FKBP5: variants seen among roughly 807,000 people sequenced by gnomAD.
The protein encoded by FKBP5 is peptidyl-prolyl cis-trans isomerase FKBP5.
In FKBP5, 23 loss-of-function variants were observed where a neutral mutation model predicts 50.5. The ratio of observed to expected loss-of-function variants is 0.46; its 90% CI spans 0.33 to 0.65. The LOEUF is 0.65. FKBP5 is among the 30% of genes least tolerant of loss of function. FKBP5 has a pLI of 0.02. For synonymous variants in FKBP5, 176 were observed against 190.6 expected (o/e 0.92, Z 0.63); for missense variants, 411 against 553.1 (o/e 0.74, Z 2.58).
chr6:35,580,625 G>A (rs568739144), intron 8 of FKBP5: 26 of 124,842 alleles, frequency 2.1e-4, no homozygotes, highest in South Asian at 1.7e-3. Flanking sequence ...TGCAACCTCC[G>A]CCTCCCGGGT....
At chr6:35,676,251 C>T (rs552165969) in intron 1 of FKBP5, among the ~76,000 whole-genome samples, 2 of 152,296 alleles carry the variant, frequency 1.3e-5, no homozygotes. Flanking sequence ...ACTTTAGAAA[C>T]GCTGACACCT....
chr6:35,601,859 G>A (rs1180219250), intron 5 of FKBP5, among the ~76,000 whole-genome samples: 2 of 152,010 alleles, frequency 1.3e-5, no homozygotes, highest in African/African-American at 2.4e-5. Flanking sequence ...AAATAAACAA[G>A]TTAAAAAGAG....
chr6:35,687,243 A>G (rs1765853975), intron 1 of FKBP5, among the ~76,000 whole-genome samples: 1 of 152,238 alleles, frequency 6.6e-6, no homozygotes, highest in Non-Finnish European at 1.5e-5. Context: ...CTCACAAATA[A>G]TGAGTATTAA....
At chr6:35,641,271 C>T (rs1764480616) in intron 2 of FKBP5, among the ~76,000 whole-genome samples, 1 of 152,188 alleles carries the variant, frequency 6.6e-6, no homozygotes, top group Non-Finnish European at 1.5e-5. Context: ...GCATGAGCCA[C>T]TGCACTCAGC....
At chr6:35,578,859 T>C (rs963381111) in intron 9 of FKBP5, among the ~76,000 whole-genome samples, 4 of 151,950 alleles carry the variant, frequency 2.6e-5, no homozygotes, top group African/African-American at 4.8e-5. Flanking sequence ...CTTCTGTCAA[T>C]AGAAGACAGA....
At chr6:35,679,956 T>C (rs912402739) in intron 1 of FKBP5, among the ~76,000 whole-genome samples, 3 of 152,040 alleles carry the variant, frequency 2.0e-5, no homozygotes, top group Admixed American at 6.5e-5. Context: ...TAAAAATATA[T>C]AGGTCATATA....
intron 2 of FKBP5, among the ~76,000 whole-genome samples, chr6:35,706,671 AT>A (rs1236331583): frequency 6.6e-6 from 1 of 152,172 alleles, no homozygotes; most frequent in African/African-American, 2.4e-5. Context: ...TGTTTATCAA[AT>A]TTTAAAACCC....
chr6:35,694,764 C>G (rs1766055783), intron 2 of FKBP5, among the ~76,000 whole-genome samples: 1 of 151,936 alleles, frequency 6.6e-6, no homozygotes, highest in Admixed American at 6.6e-5. Flanking sequence ...CTTTGGGGTC[C>G]CAGTCTAAGA....
At chr6:35,584,146 T>C (rs1762531151) in intron 8 of FKBP5, 1 of 985,368 alleles carries the variant, frequency 1.0e-6, no homozygotes, top group Non-Finnish European at 1.2e-6. Context: ...AAATCGTGTC[T>C]GTTTAACTCG....
rs767364065 is a variant in FKBP5, at chr6:35,591,217, A to G, written c.669T>C (p.Tyr223=). 22 of 1,601,550 alleles carry G rather than the reference A, an allele frequency of 1.4e-5. No homozygotes were observed. The highest frequency in any genetic ancestry group is 1.8e-5 in the Non-Finnish European group (21 of 1,170,128). The change falls in exon 7 of 11, where the codon TAT becomes TAC. Residue 223 remains tyrosine, a synonymous_variant. Coordinates refer to ENST00000357266, the MANE Select transcript of FKBP5 (RefSeq NM_004117.4). ...TAGGCTTCCCTGCCTCTCCAAAACC[A>G]TATCTGAAATGGAGAGTAAAAAATA... ...EQCILYLGPR[Y]GFGEAGKPKF... is the part of the protein sequence containing the mutation.
chr6:35,591,111 G>GT lies in FKBP5; in HGVS notation c.756+18_756+19insA. On this transcript the variant is annotated intron_variant, in intron 7 of 10. Transcript: ENST00000357266. ...AGAAGAAACCTACCATAATTTTAAG[G>GT]AAGTTGGTATTTTCTCACCTTTTCG... The GT allele has an allele frequency of 2.0e-6, 3 of 1,531,526 alleles. No individual in the cohort carries two copies. The highest frequency in any genetic ancestry group is 2.7e-6 in the Non-Finnish European group (3 of 1,111,686). The allele number at this position is 1,531,526 out of a possible 1,614,324, so 94.9% of individuals were successfully genotyped here.
intron 1 of FKBP5, among the ~76,000 whole-genome samples, chr6:35,677,434 AAG>A (rs773015643): frequency 6.6e-6 from 1 of 152,254 alleles, no homozygotes; most frequent in African/African-American, 2.4e-5. Context: ...ATGGGATAAG[AAG>A]AGAGTCTTCA....
intron 1 of FKBP5, among the ~76,000 whole-genome samples, chr6:35,650,772 G>A (rs536501933): frequency 4.6e-5 from 7 of 152,192 alleles, no homozygotes; most frequent in Non-Finnish European, 7.4e-5. Flanking sequence ...CACCGCACCT[G>A]GCACAAACAG....
intron 1 of FKBP5, among the ~76,000 whole-genome samples, chr6:35,675,359 C>T (rs1485171744): frequency 1.3e-5 from 2 of 152,142 alleles, no homozygotes; most frequent in African/African-American, 4.8e-5. Context: ...ATCACAAAGT[C>T]AGGAGTTTGA....
chr6:35,599,794 G>A (rs1182735001), intron 5 of FKBP5, among the ~76,000 whole-genome samples: 1 of 152,206 alleles, frequency 6.6e-6, no homozygotes, highest in South Asian at 2.1e-4. Context: ...GAATGCTCTA[G>A]ATAAAATTAA....
chr6:35,615,213 T>C (rs929108904), intron 5 of FKBP5, among the ~76,000 whole-genome samples: 4 of 151,630 alleles, frequency 2.6e-5, no homozygotes, highest in East Asian at 1.9e-4. Flanking sequence ...TACATATAGA[T>C]GTATACGTAT....
intron 1 of FKBP5, among the ~76,000 whole-genome samples, chr6:35,662,492 C>T (rs1385474726): frequency 6.6e-6 from 1 of 151,270 alleles, no homozygotes; most frequent in African/African-American, 2.4e-5. Context: ...CTATGTTGCC[C>T]AGGCTGTTCT....
chr6:35,660,368 A>G (rs1484003629), intron 1 of FKBP5, among the ~76,000 whole-genome samples: 3 of 74,328 alleles, frequency 4.0e-5, no homozygotes, highest in African/African-American at 1.3e-4. Context: ...TCCCAGGTTC[A>G]AGCGATTCTC....
chr6:35,604,268 C>T (rs539785166), intron 5 of FKBP5, among the ~76,000 whole-genome samples: 26 of 152,230 alleles, frequency 1.7e-4, no homozygotes, highest in African/African-American at 5.3e-4. Flanking sequence ...CTTGGCTTCC[C>T]GAAGTGTTGG....
Sources: allele counts gnomAD v4.1 joint callset (sites outside exome capture counted in the v4.1 genomes callset), GRCh38; gene constraint gnomAD v4.1.1; transcripts MANE v1.5; gene names NCBI Gene and HGNC (gene_info 2026-07-23, HGNC 2026-07-21).